Variants in CSMD1 observed in about 807,000 individuals in gnomAD.
CSMD1 encodes the protein CUB and Sushi multiple domains 1.
Under a neutral mutation model 417.5 loss-of-function variants are expected in CSMD1, and 213 were observed. The observed-to-expected ratio is 0.51, with a 90% CI of 0.46 to 0.57. CSMD1 has a LOEUF of 0.57. Ranked by LOEUF, CSMD1 falls within the 20% of genes least tolerant of loss-of-function variation. The pLI, the probability that CSMD1 is intolerant of heterozygous loss-of-function variation, is 0.00. For synonymous variants in CSMD1, 2,862 were observed against 1,736.8 expected (o/e 1.65, Z -16.11); for missense variants, 6,923 against 4,529.7 (o/e 1.53, Z -15.17).
At chr8:3,307,514 T>C (rs1400730191) in intron 25 of CSMD1, among the ~76,000 whole-genome samples, 181 bp downstream of exon 25, 5 of 152,204 alleles carry the variant, frequency 3.3e-5, no homozygotes, top group African/African-American at 1.2e-4. Flanking sequence ...ACTTAATTAA[T>C]GGTTTCAAGG....
chr8:3,338,961 A>C (rs1807460680), intron 23 of CSMD1, among the ~76,000 whole-genome samples: 1 of 149,456 alleles, frequency 6.7e-6, no homozygotes, highest in Admixed American at 6.7e-5. Context: ...CATTACGTAT[A>C]TCTCCCGATG....
chr8:4,899,547 C>G (rs1286215396), intron 1 of CSMD1, among the ~76,000 whole-genome samples: 1 of 152,180 alleles, frequency 6.6e-6, no homozygotes, highest in Non-Finnish European at 1.5e-5. Context: ...ATCTATATCA[C>G]TCTTTCTTGT....
At position 3,616,775 on chromosome 8, in the gene CSMD1, C is replaced by G; in HGVS notation, c.1032G>C (p.Leu344Phe). ...CAGGATCTGGACACATGTCAGAGAC[C>G]AATGCAACACCTCCTTGGCTCACTG... ...NSVLSQGGVALVSDMCPDPGI... is the reference protein window; with the variant it reads ...NSVLSQGGVAFVSDMCPDPGI... The change falls in exon 8 of 70, where the codon TTG becomes TTC. Residue 344 changes from leucine to phenylalanine, a missense_variant. Coordinates refer to ENST00000635120, the MANE Select transcript of CSMD1 (RefSeq NM_033225.6). The G allele has an allele frequency of 1.2e-6, 2 of 1,611,778 alleles. No homozygotes were observed. Among genetic ancestry groups the G allele is most frequent in the Non-Finnish European group, 8.5e-7 (1 of 1,178,762 alleles).
At chr8:4,653,087 T>TGAGA (rs1321604494) in intron 1 of CSMD1, among the ~76,000 whole-genome samples, 7 of 152,058 alleles carry the variant, frequency 4.6e-5, no homozygotes, top group African/African-American at 1.7e-4. Flanking sequence ...GATGTGTTTA[T>TGAGA]GAGAGACAGA....
At position 3,808,817 on chromosome 8, in the gene CSMD1, T is replaced by C. The variant is rs568378091; in HGVS notation, c.819-54775A>G. ...GAAAATTTCAAGGGGCATTTGGCAG[T>C]AGAGCAAGGCTATTTATTTCCAAAG... On this transcript the variant is annotated intron_variant, in intron 5 of 69. Coordinates refer to ENST00000635120, the MANE Select transcript of CSMD1 (RefSeq NM_033225.6). Among the ~76,000 whole-genome samples, 10 of 152,324 alleles carry C rather than the reference T, an allele frequency of 6.6e-5. No individual in the cohort carries two copies. In the South Asian group the frequency reaches 8.3e-4, roughly 13 times the overall value.
intron 26 of CSMD1, among the ~76,000 whole-genome samples, chr8:3,242,193 C>T (rs1236407904): frequency 2.0e-5 from 3 of 151,882 alleles, no homozygotes; most frequent in East Asian, 1.9e-4. Context: ...CAGAATGAAA[C>T]AGTAAGCTGG....
intron 3 of CSMD1, among the ~76,000 whole-genome samples, chr8:4,309,523 G>A (rs73191950): frequency 0.63 from 96,138 of 151,866 alleles, 31,416 homozygotes; most frequent in East Asian, 0.86. Flanking sequence ...GGTAAATCCT[G>A]TAACACAGAC....
At chr8:4,065,720 T>C (rs1213104724) in intron 3 of CSMD1, among the ~76,000 whole-genome samples, 2 of 152,238 alleles carry the variant, frequency 1.3e-5, no homozygotes, top group African/African-American at 4.8e-5. Flanking sequence ...TGCTAGGTTA[T>C]GTAAACATAG....
At chr8:4,595,387 C>CTTTTTTTTTTTTTTCTTTTTTTTTTTTTT in intron 2 of CSMD1, among the ~76,000 whole-genome samples, 26 of 147,412 alleles carry the variant, frequency 1.8e-4, no homozygotes, top group African/African-American at 6.2e-4. Flanking sequence ...CATTCATTTT[C>CTTTTTTTTTTTTTTCTTTTTTTTTTTTTT]ATTCCATCCA....
chr8:3,707,689 C>T (rs1399055035), intron 7 of CSMD1, among the ~76,000 whole-genome samples: 1 of 151,772 alleles, frequency 6.6e-6, no homozygotes. Flanking sequence ...AAAGAAGGGT[C>T]TGCATAGTGA....
At chr8:4,119,247 T>TA (rs1563147652) in intron 3 of CSMD1, among the ~76,000 whole-genome samples, 2 of 152,016 alleles carry the variant, frequency 1.3e-5, no homozygotes, top group African/African-American at 4.8e-5. Context: ...TCCTAGAACT[T>TA]AAAGTAAAAT....
rs571560754 is a variant in CSMD1, at chr8:4,507,077, T to C, written c.303-87012A>G. Reference sequence around the variant, plus strand: ...ATAAACACATATTTAGTAATGCTTATTGATTACCTTGATTCCTGTTTATTA... The same window carrying C: ...ATAAACACATATTTAGTAATGCTTACTGATTACCTTGATTCCTGTTTATTA... On this transcript the variant is annotated intron_variant, in intron 2 of 69. Coordinates refer to ENST00000635120, the MANE Select transcript of CSMD1 (RefSeq NM_033225.6). Among the ~76,000 whole-genome samples, 5 of 152,290 alleles carry C rather than the reference T, an allele frequency of 3.3e-5. No homozygotes were observed. In the South Asian group the frequency reaches 1.0e-3, roughly 32 times the overall value.
At chr8:3,502,134 G>A (rs1416634057) in intron 10 of CSMD1, among the ~76,000 whole-genome samples, 1 of 152,042 alleles carries the variant, frequency 6.6e-6, no homozygotes, top group African/African-American at 2.4e-5. Context: ...GAAGGCTGAG[G>A]CTGGCAGATC....
chr8:3,360,901 C>A (rs1563310191), intron 20 of CSMD1, among the ~76,000 whole-genome samples: 2 of 150,618 alleles, frequency 1.3e-5, no homozygotes, highest in African/African-American at 2.4e-5. Flanking sequence ...GAGTTTGTCA[C>A]TGAGATCTCA....
rs111788954 is a variant in CSMD1 at position 3,316,818 on chromosome 8, C to T, written c.3632-8315G>A. The stretch of plus-strand genomic sequence containing the variant: ...AGTGGGGGGAAGGCAACGGAGAAGA[C>T]TGCACAGGAAACTGACACAAGTATA... On this transcript the variant is annotated intron_variant, in intron 23 of 69. Coordinates refer to ENST00000635120, the MANE Select transcript of CSMD1 (RefSeq NM_033225.6). Among the ~76,000 whole-genome samples, 196 of 152,186 alleles carry T rather than the reference C, an allele frequency of 1.3e-3. 1 individual carries two copies. The highest frequency in any genetic ancestry group is 4.5e-3 in the African/African-American group (187 of 41,502).
Position 4,194,449 on chromosome 8 carries a change from G to A in CSMD1, c.416-162350C>T, listed in dbSNP as rs117193183. Among the ~76,000 whole-genome samples, 785 of 152,226 alleles carry A rather than the reference G, an allele frequency of 5.2e-3. 3 individuals carry two copies. Among genetic ancestry groups the A allele is most frequent in the Admixed American group, 9.2e-3 (140 of 15,278 alleles). On this transcript the variant is annotated intron_variant, in intron 3 of 69. Transcript: ENST00000635120. ...TATCTAACAATAAATGGTGACAAAGGCCTGAATTACAATAGCGCCCTGTCA... is the reference window on the plus strand; with the variant it reads ...TATCTAACAATAAATGGTGACAAAGACCTGAATTACAATAGCGCCCTGTCA...
At chr8:4,424,109 G>T (rs1052827384) in intron 2 of CSMD1, among the ~76,000 whole-genome samples, 1 of 151,956 alleles carries the variant, frequency 6.6e-6, no homozygotes, top group African/African-American at 2.4e-5. Flanking sequence ...AAAAATAGGG[G>T]AAAGGCTTTT....
chr8:4,717,288 T>C (rs1463957861), intron 1 of CSMD1, among the ~76,000 whole-genome samples: 2 of 144,928 alleles, frequency 1.4e-5, no homozygotes, highest in African/African-American at 5.4e-5. Context: ...TCTCTGACCC[T>C]GCCCTTCTCT....
chr8:3,341,516 G>C (rs573743883), intron 23 of CSMD1, among the ~76,000 whole-genome samples: 3 of 152,174 alleles, frequency 2.0e-5, no homozygotes, highest in Admixed American at 6.5e-5. Flanking sequence ...TAACACACGA[G>C]CTGAGCACAA....
Sources: gnomAD v4.1 joint callset for allele counts (sites outside exome capture counted in the v4.1 genomes callset) on GRCh38, gnomAD v4.1.1 for gene constraint, MANE v1.5 for transcripts, NCBI Gene and HGNC (gene_info 2026-07-23, HGNC 2026-07-21) for gene names.